The following FHIT variants were observed in gnomAD, a reference collection of about 807,000 sequenced individuals.
The protein encoded by FHIT is fragile histidine triad diadenosine triphosphatase.
Under a neutral mutation model 17.9 loss-of-function variants are expected in FHIT, and 19 were observed. The observed-to-expected ratio is 1.06, with a 90% CI of 0.74 to 1.56. The LOEUF (loss-of-function observed/expected upper bound fraction) is 1.56. Ranked by LOEUF, FHIT falls within the 40% of genes most tolerant of loss-of-function variation. The probability of loss-of-function intolerance (pLI) is 0.00; values close to 1 mark genes in which losing one functional copy is unlikely to be tolerated. For synonymous variants in FHIT, 81 were observed against 69.7 expected, an observed-to-expected ratio of 1.16 and a Z score of -0.81; for missense variants, 248 against 189.2, an observed-to-expected ratio of 1.31 and a Z score of -1.82.
At chr3:60,346,176 T>C (rs1489920876) in intron 5 of FHIT, among the ~76,000 whole-genome samples, 1 of 152,178 alleles carries the variant, frequency 6.6e-6, no homozygotes, top group African/African-American at 2.4e-5. Flanking sequence ...TCACGCAATG[T>C]CCATCAATTA....
At position 60,107,799 on chromosome 3, in the gene FHIT, T is replaced by C. The variant is rs116774263; in HGVS notation, c.104-93647A>G. On this transcript the variant is annotated intron_variant, in intron 5 of 9. Coordinates refer to ENST00000492590, the MANE Select transcript of FHIT (RefSeq NM_002012.4). Reference sequence around the variant, plus strand: ...GCCTAGTCTCCATTTTAATTTACTTTAACACTATCCATAAGAATATTAAAA... The same window carrying C: ...GCCTAGTCTCCATTTTAATTTACTTCAACACTATCCATAAGAATATTAAAA... Among the ~76,000 whole-genome samples the C allele has an allele frequency of 5.0e-3, 764 of 152,354 alleles. 3 individuals carry two copies. Among genetic ancestry groups the C allele is most frequent in the African/African-American group, 0.018 (744 of 41,588 alleles).
At chr3:59,847,821 T>C (rs770247020) in intron 8 of FHIT, among the ~76,000 whole-genome samples, 56 of 152,310 alleles carry the variant, frequency 3.7e-4, no homozygotes, top group Non-Finnish European at 6.0e-4. Flanking sequence ...TTAAAGTCTT[T>C]TCTGAGCCAG....
intron 5 of FHIT, among the ~76,000 whole-genome samples, chr3:60,200,617 C>G (rs2107492077): frequency 6.6e-6 from 1 of 151,666 alleles, no homozygotes; most frequent in Non-Finnish European, 1.5e-5. Context: ...CAGCATTAAA[C>G]TGAAGCACCA....
intron 2 of FHIT, among the ~76,000 whole-genome samples, chr3:61,198,103 T>TCTAGCTCA (rs2038905708): frequency 6.6e-6 from 1 of 152,078 alleles, no homozygotes. Flanking sequence ...TTATTCCAGA[T>TCTAGCTCA]CTAGCTCACT....
At chr3:60,323,734 A>G (rs1254399538) in intron 5 of FHIT, among the ~76,000 whole-genome samples, 1 of 152,206 alleles carries the variant, frequency 6.6e-6, no homozygotes, top group Non-Finnish European at 1.5e-5. Context: ...TATCTGTACC[A>G]TAAATGGAAA....
intron 4 of FHIT, among the ~76,000 whole-genome samples, chr3:60,695,135 T>C (rs373865900): frequency 6.6e-6 from 1 of 152,142 alleles, no homozygotes; most frequent in Non-Finnish European, 1.5e-5. Flanking sequence ...TGGCTCACTC[T>C]TGTAATCCCA....
At chr3:60,679,891 C>G (rs1337079335) in intron 4 of FHIT, among the ~76,000 whole-genome samples, 1 of 152,040 alleles carries the variant, frequency 6.6e-6, no homozygotes, top group Non-Finnish European at 1.5e-5. Flanking sequence ...TTCAAAACAT[C>G]TTTACTCAAC....
intron 3 of FHIT, among the ~76,000 whole-genome samples, chr3:60,930,549 G>T (rs1707894583): frequency 6.6e-6 from 1 of 152,280 alleles, no homozygotes; most frequent in South Asian, 2.1e-4. Context: ...CAAAAAGTGG[G>T]TGAAGGATAT....
chr3:59,853,841 A>T (rs1702040245), intron 8 of FHIT, among the ~76,000 whole-genome samples: 1 of 152,194 alleles, frequency 6.6e-6, no homozygotes, highest in African/African-American at 2.4e-5. Flanking sequence ...AATTATACTT[A>T]TTGAGAGTCT....
chr3:61,122,387 A>G (rs1353807543), intron 2 of FHIT, among the ~76,000 whole-genome samples: 1 of 152,224 alleles, frequency 6.6e-6, no homozygotes, highest in Non-Finnish European at 1.5e-5. Context: ...TGTTAGACCT[A>G]AAACCATAGA....
chr3:61,130,718 G>T (rs1365575371), intron 2 of FHIT, among the ~76,000 whole-genome samples: 1 of 152,198 alleles, frequency 6.6e-6, no homozygotes, highest in Admixed American at 6.5e-5. Flanking sequence ...GGGTCAAAGT[G>T]AGTTTGAAAT....
intron 1 of FHIT, among the ~76,000 whole-genome samples, chr3:61,227,332 G>C (rs1053128171): frequency 8.6e-5 from 13 of 152,024 alleles, no homozygotes; most frequent in African/African-American, 2.9e-4. Flanking sequence ...GTATACCTCT[G>C]TCCTATCTTG....
At chr3:61,187,445 C>A (rs1242436640) in intron 2 of FHIT, among the ~76,000 whole-genome samples, 1 of 152,044 alleles carries the variant, frequency 6.6e-6, no homozygotes, top group East Asian at 1.9e-4. Context: ...CCCTTAGAGA[C>A]CTATAAAGAG....
intron 4 of FHIT, among the ~76,000 whole-genome samples, chr3:60,678,919 C>T (rs1215551001): frequency 1.3e-5 from 2 of 149,108 alleles, no homozygotes; most frequent in Non-Finnish European, 3.0e-5. Context: ...CGTTTTCCAT[C>T]TTAAGGACTT....
intron 3 of FHIT, among the ~76,000 whole-genome samples, chr3:60,914,111 T>A (rs1229200458): frequency 6.6e-6 from 1 of 152,162 alleles, no homozygotes; most frequent in Admixed American, 6.5e-5. Context: ...CCACAGAGTA[T>A]CTGTTACTTT....
chr3:59,773,982 A>G (rs546214863), intron 8 of FHIT, among the ~76,000 whole-genome samples: 73 of 152,318 alleles, frequency 4.8e-4, no homozygotes, highest in African/African-American at 1.6e-3. Context: ...AATAATATTT[A>G]TGATATTTTG....
intron 4 of FHIT, among the ~76,000 whole-genome samples, chr3:60,694,841 A>G: frequency 6.6e-6 from 1 of 152,066 alleles, no homozygotes; most frequent in Non-Finnish European, 1.5e-5. Flanking sequence ...ACATGTTCTC[A>G]CTCACAGGTG....
chr3:60,513,290 A>G (rs1156879120), intron 5 of FHIT, among the ~76,000 whole-genome samples: 1 of 152,138 alleles, frequency 6.6e-6, no homozygotes, highest in Non-Finnish European at 1.5e-5. Context: ...AAATTTTTAC[A>G]TTCTATTTAC....
At chr3:59,991,529 C>T (rs953789378) in intron 7 of FHIT, among the ~76,000 whole-genome samples, 2 of 152,004 alleles carry the variant, frequency 1.3e-5, no homozygotes, top group Non-Finnish European at 2.9e-5. Flanking sequence ...TTATTATAAT[C>T]CCAAACAGAC....
Sources: allele counts gnomAD v4.1 joint callset (sites outside exome capture counted in the v4.1 genomes callset), GRCh38; gene constraint gnomAD v4.1.1; transcripts MANE v1.5; gene names NCBI Gene and HGNC (gene_info 2026-07-23, HGNC 2026-07-21).